Variants in ITPA observed in about 807,000 individuals in gnomAD.
The protein encoded by ITPA is inosine triphosphate pyrophosphatase.
Under a neutral mutation model 29.6 loss-of-function variants are expected in ITPA, and 29 were observed. The ratio of observed to expected loss-of-function variants is 0.98; its 90% CI spans 0.73 to 1.34. The LOEUF (loss-of-function observed/expected upper bound fraction) is 1.34. Among genes scored for constraint, ITPA ranks in the 40% most tolerant of loss-of-function variants. The pLI is 0.00. For synonymous variants in ITPA, 103 were observed against 99.3 expected, an observed-to-expected ratio of 1.04 and a Z score of -0.22; for missense variants, 241 against 251.5, an observed-to-expected ratio of 0.96 and a Z score of 0.28.
chr20:3,222,581 T>A (rs1047934566), intron 7 of ITPA, among the ~76,000 whole-genome samples: 3 of 152,208 alleles, frequency 2.0e-5, no homozygotes, highest in African/African-American at 7.2e-5. Context: ...TTTTGCAGCC[T>A]CTGGTGGGCA....
At chr20:3,218,150 C>T (rs62206137) in intron 5 of ITPA, among the ~76,000 whole-genome samples, 81 of 151,496 alleles carry the variant, frequency 5.3e-4, no homozygotes, top group Non-Finnish European at 7.4e-4. Context: ...GATCTCCTGA[C>T]CTCATAATCT....
intron 1 of ITPA, among the ~76,000 whole-genome samples, chr20:3,212,234 A>G (rs6084302): frequency 0.12 from 17,841 of 152,254 alleles, 1,331 homozygotes; most frequent in Non-Finnish European, 0.16. Flanking sequence ...ACAATTATCA[A>G]AATGTTACAA....
Position 3,209,693 on chromosome 20 carries a change from AG to A in ITPA, c.66+77del, listed in dbSNP as rs2067127789. ...GAGAAGGGGCTTCCGGGAGGAGGGA[AG>A]CACGTGGGAGGAGGCATGGAGAGAG... is the stretch of plus-strand genomic sequence containing the variant. On this transcript the variant is annotated intron_variant, in intron 1 of 7. Coordinates refer to ENST00000380113, the MANE Select transcript of ITPA (RefSeq NM_033453.4). The surrounding 1 kb of genome is among the most constrained non-coding windows in gnomAD (Gnocchi z 4.6). The A allele has an allele frequency of 1.7e-6, 2 of 1,185,606 alleles. No individual in the cohort carries two copies. The highest frequency in any genetic ancestry group is 1.8e-5 in the Admixed American group (1 of 56,068). 73.4% of individuals were successfully genotyped at this position (1,185,606 alleles called of 1,614,324 possible).
chr20:3,205,286 G>A (rs75599282), upstream of ITPA, among the ~76,000 whole-genome samples: 1,886 of 151,498 alleles, frequency 0.012, 38 homozygotes, highest in African/African-American at 0.043. Flanking sequence ...AGGGAAGCGG[G>A]TTGGGGTTTT....
At chr20:3,213,819 A>T (rs577742434) in intron 3 of ITPA, among the ~76,000 whole-genome samples, 166 bp from the exon 4 acceptor site, 1 of 152,268 alleles carries the variant, frequency 6.6e-6, no homozygotes, top group African/African-American at 2.4e-5. Context: ...AAGATAAGAG[A>T]TTGGCCAAAG....
chr20:3,205,573 A>G (rs1004898008), upstream of ITPA, among the ~76,000 whole-genome samples: 1 of 151,960 alleles, frequency 6.6e-6, no homozygotes, highest in African/African-American at 2.4e-5. Context: ...GGTGGCATGC[A>G]CCTGTGATTC....
chr20:3,218,738 G>GGGCCAGAGATATCTGTGCCTTGC, intron 6 of ITPA, 106 bp downstream of exon 6: 1 of 786,136 alleles, frequency 1.3e-6, no homozygotes. Context: ...GGGCGCCTTG[G>GGGCCAGAGATATCTGTGCCTTGC]GGCCAGAGAT....
At position 3,221,821 on chromosome 20, in the gene ITPA, TC is replaced by T. The variant is rs1161800460; in HGVS notation, c.412-14del. On this transcript the variant is annotated intron_variant, in intron 6 of 7. Transcript: ENST00000380113. ...TCCTCTGGACCCAGTTACACACCTGTCCCCCCTTTCCTGTGGCAGGGCCGGA... is the reference window on the plus strand; with the variant it reads ...TCCTCTGGACCCAGTTACACACCTGTCCCCCTTTCCTGTGGCAGGGCCGGA... 2 of 1,613,176 alleles carry T rather than the reference TC, an allele frequency of 1.2e-6. No homozygotes were observed. The highest frequency in any genetic ancestry group is 2.2e-5 in the East Asian group (1 of 44,882).
intron 6 of ITPA, among the ~76,000 whole-genome samples, chr20:3,220,158 G>A (rs372618534): frequency 2.6e-5 from 4 of 152,068 alleles, no homozygotes; most frequent in Admixed American, 2.6e-4. Flanking sequence ...CCACCTCCCA[G>A]GCTCAGGTGA....
intron 7 of ITPA, among the ~76,000 whole-genome samples, chr20:3,222,594 A>G (rs2067494144): frequency 6.6e-6 from 1 of 152,126 alleles, no homozygotes; most frequent in South Asian, 2.1e-4. Context: ...GGTGGGCACT[A>G]TTTTATGCCC....
chr20:3,220,013 G>A (rs1169769330), intron 6 of ITPA, among the ~76,000 whole-genome samples: 1 of 136,484 alleles, frequency 7.3e-6, no homozygotes, highest in Admixed American at 7.9e-5. Flanking sequence ...CTGCACTCCA[G>A]CCATGGAGTG....
At chr20:3,204,434 C>T, upstream of ITPA, 1 of 1,228,068 alleles carries the variant, frequency 8.1e-7, no homozygotes, top group Non-Finnish European at 1.1e-6. Flanking sequence ...GCGTCCCGCC[C>T]GCCCAGGTGC....
At chr20:3,209,327 G>C, upstream of ITPA, 2 of 623,854 alleles carry the variant, frequency 3.2e-6, no homozygotes, top group African/African-American at 1.8e-5. The surrounding 1 kb of genome is among the most constrained non-coding windows in gnomAD (Gnocchi z 4.6). Context: ...AGGAGGGGTG[G>C]GTCACTCAGT....
rs537806030 is a variant in ITPA, at chr20:3,223,484, C to T, written c.*22C>T. On this transcript the variant is annotated 3_prime_UTR_variant, in exon 8 of 8. Coordinates refer to ENST00000380113, the MANE Select transcript of ITPA (RefSeq NM_033453.4). ...TTGACTTCTGCAGCTGGAGGAGGCCCCTCAGGCCGGGGATCTGGGGAGGGC... is the reference window on the plus strand; with the variant it reads ...TTGACTTCTGCAGCTGGAGGAGGCCTCTCAGGCCGGGGATCTGGGGAGGGC... 1.0e-5 allele frequency: 16 copies of T among 1,588,512 alleles called. No homozygotes were observed. The South Asian group carries it at 1.3e-4, about 13-fold the overall frequency.
rs151329588 is a variant in ITPA, at chr20:3,217,130, C to T, written c.296-1387C>T. Among the ~76,000 whole-genome samples, 354 of 152,314 alleles carry T rather than the reference C, an allele frequency of 2.3e-3. 4 individuals carry two copies. The highest frequency in any genetic ancestry group is 8.3e-3 in the African/African-American group (346 of 41,576). ...TCCTAACCTCAGGTGATCCACCCACCTCGGCCTTCCAAAATGCTGAGATTA... is the reference window on the plus strand; with the variant it reads ...TCCTAACCTCAGGTGATCCACCCACTTCGGCCTTCCAAAATGCTGAGATTA... On this transcript the variant is annotated intron_variant, in intron 5 of 7. Coordinates refer to ENST00000380113, the MANE Select transcript of ITPA (RefSeq NM_033453.4).
upstream of ITPA, among the ~76,000 whole-genome samples, chr20:3,205,931 C>T (rs2122253388): frequency 6.6e-6 from 1 of 151,906 alleles, no homozygotes; most frequent in Non-Finnish European, 1.5e-5. Context: ...TGGCACATGC[C>T]TGTAATCCCA....
In ITPA at chr20:3,215,104, C is replaced by T. The variant is rs2067263095; in HGVS notation, c.264-177C>T. ...CTTTTCTCAAACTCCTGAGCTCAAG[C>T]GATCCGCCTGCCTTAGCCTCCCAAA... is the stretch of plus-strand genomic sequence containing the variant. On this transcript the variant is annotated intron_variant, in intron 4 of 7. Transcript: ENST00000380113. 1.2e-5 allele frequency: 8 copies of T among 640,688 alleles called. No homozygotes were observed. In the East Asian group the frequency reaches 1.7e-4, roughly 13 times the overall value. 39.7% of individuals were successfully genotyped at this position (640,688 alleles called of 1,614,324 possible).
upstream of ITPA, among the ~76,000 whole-genome samples, chr20:3,206,756 G>C (rs1217586417): frequency 6.6e-6 from 1 of 151,708 alleles, no homozygotes; most frequent in Non-Finnish European, 1.5e-5. Flanking sequence ...GTGGGGACCC[G>C]GGAGGCGGAG....
At chr20:3,210,929 T>C (rs898372167) in intron 1 of ITPA, among the ~76,000 whole-genome samples, 3 of 151,744 alleles carry the variant, frequency 2.0e-5, no homozygotes, top group African/African-American at 4.8e-5. Flanking sequence ...CACGTGCCTG[T>C]AGTCCCAGCT....
Sources: allele counts gnomAD v4.1 joint callset (sites outside exome capture counted in the v4.1 genomes callset), GRCh38; gene constraint gnomAD v4.1.1; non-coding constraint Gnocchi (gnomAD v3.1); transcripts MANE v1.5; gene names NCBI Gene and HGNC (gene_info 2026-07-23, HGNC 2026-07-21).